Variants in NRG1 observed in about 807,000 individuals in gnomAD.
NRG1 encodes neuregulin 1, also known as pro-neuregulin-1, membrane-bound isoform.
Under a neutral mutation model 63.8 loss-of-function variants are expected in NRG1, and 18 were observed. The observed-to-expected ratio is 0.28, with a 90% CI of 0.19 to 0.42. The LOEUF (loss-of-function observed/expected upper bound fraction) is 0.42, where lower values mean the gene tolerates loss of function less well. Among genes scored for constraint, NRG1 ranks in the 10% least tolerant of loss-of-function variants. NRG1 has a pLI of 1.00. For missense variants in NRG1, 762 were observed against 814.7 expected, an observed-to-expected ratio of 0.94 and a Z score of 0.79; for synonymous variants, 302 against 301.3, an observed-to-expected ratio of 1.00 and a Z score of -0.02.
At chr8:31,780,567 C>A (rs767446572) in intron 1 of NRG1, among the ~76,000 whole-genome samples, 10 of 152,066 alleles carry the variant, frequency 6.6e-5, no homozygotes, top group South Asian at 2.1e-4. Flanking sequence ...AAAATCGAAT[C>A]CAATTTTTCT....
intron 1 of NRG1, among the ~76,000 whole-genome samples, chr8:32,115,562 G>A (rs1832606576): frequency 6.6e-6 from 1 of 152,140 alleles, no homozygotes; most frequent in Non-Finnish European, 1.5e-5. Flanking sequence ...GGAGGAGGAG[G>A]AAGGGAATGG....
Position 32,131,984 on chromosome 8 carries a change from G to A in NRG1, c.38-463844G>A, listed in dbSNP as rs548083723. Among the ~76,000 whole-genome samples, 24 of 152,130 alleles carry A rather than the reference G, an allele frequency of 1.6e-4. 1 individual carries two copies. The South Asian group carries it at 4.8e-3, about 30-fold the overall frequency. Reference sequence around the variant, plus strand: ...AGGGCACTAAAAGATATATTTAAAGGCAGAGGTTTTTTTCCTATGTGTATA... The same window carrying A: ...AGGGCACTAAAAGATATATTTAAAGACAGAGGTTTTTTTCCTATGTGTATA... On this transcript the variant is annotated intron_variant, in intron 1 of 10. Transcript: ENST00000519301.
At chr8:31,751,002 AT>A (rs1355559088) in intron 1 of NRG1, among the ~76,000 whole-genome samples, 2 of 151,996 alleles carry the variant, frequency 1.3e-5, no homozygotes, top group African/African-American at 4.8e-5. Flanking sequence ...GGGCTCCCAA[AT>A]GCTAGTCAAA....
At chr8:31,943,123 G>A (rs1305177750) in intron 1 of NRG1, among the ~76,000 whole-genome samples, 1 of 152,064 alleles carries the variant, frequency 6.6e-6, no homozygotes, top group Non-Finnish European at 1.5e-5. Context: ...CAGCCCAAAT[G>A]CCCATCAATC....
chr8:32,034,414 T>C (rs897792767), intron 1 of NRG1, among the ~76,000 whole-genome samples: 2 of 152,232 alleles, frequency 1.3e-5, no homozygotes, highest in Non-Finnish European at 2.9e-5. Flanking sequence ...AAGTTTTCTT[T>C]TTTTGCTGTT....
intron 1 of NRG1, among the ~76,000 whole-genome samples, chr8:32,121,544 A>G (rs1365415999): frequency 1.3e-5 from 2 of 151,978 alleles, no homozygotes; most frequent in Non-Finnish European, 2.9e-5. Context: ...TGTGTTGAAA[A>G]ATCATTCAAA....
At chr8:32,092,463 A>AAC (rs1191829036) in intron 1 of NRG1, among the ~76,000 whole-genome samples, 1 of 146,380 alleles carries the variant, frequency 6.8e-6, no homozygotes, top group Non-Finnish European at 1.5e-5. Context: ...CCCTGTCTCA[A>AAC]AAAAAAAAAA....
intron 6 of NRG1, chr8:32,728,664 T>TGTA: frequency 2.0e-6 from 2 of 984,700 alleles, no homozygotes; most frequent in Non-Finnish European, 2.4e-6. Context: ...ATACATTGTA[T>TGTA]GTAGCATCCC....
intron 1 of NRG1, among the ~76,000 whole-genome samples, chr8:32,206,138 A>G (rs1036231749): frequency 2.0e-5 from 3 of 152,174 alleles, no homozygotes; most frequent in African/African-American, 7.2e-5. Context: ...CAAAAACATT[A>G]GAACTGAAAC....
intron 1 of NRG1, among the ~76,000 whole-genome samples, chr8:32,286,788 C>A (rs28560199): frequency 6.6e-6 from 1 of 151,898 alleles, no homozygotes; most frequent in African/African-American, 2.4e-5. Flanking sequence ...CCTGAGGTCA[C>A]GAGTTCAAGA....
chr8:32,567,643 ACTT>A (rs1467536530), intron 1 of NRG1, among the ~76,000 whole-genome samples: 1 of 152,120 alleles, frequency 6.6e-6, no homozygotes, highest in Non-Finnish European at 1.5e-5. Flanking sequence ...GGTGCCCCTC[ACTT>A]CTTTTTTATA....
intron 1 of NRG1, among the ~76,000 whole-genome samples, chr8:32,091,254 G>T (rs1310216455): frequency 2.0e-5 from 3 of 150,686 alleles, no homozygotes; most frequent in Non-Finnish European, 2.9e-5. Flanking sequence ...CTCCAGCCTA[G>T]GCGACAGAGC....
chr8:32,633,061 T>A (rs1457773649), intron 5 of NRG1, among the ~76,000 whole-genome samples: 2 of 152,236 alleles, frequency 1.3e-5, no homozygotes, highest in Non-Finnish European at 2.9e-5. Flanking sequence ...ACTACTTTTT[T>A]ATGCTGATAT....
In NRG1 at chr8:31,640,521, G is replaced by A. The variant is rs1223804905; in HGVS notation, c.37+1090G>A. ...AAGCCGGGGGCTTGAAGAAGGACTC[G>A]CTGCTCACCGTGCGCCTGGGGACCT... On this transcript the variant is annotated intron_variant, in intron 1 of 10. Transcript: ENST00000519301. The surrounding 1 kb of genome is among the most constrained non-coding windows in gnomAD (Gnocchi z 6.3). 5 of 1,611,392 alleles carry A rather than the reference G, an allele frequency of 3.1e-6. No homozygotes were observed. The highest frequency in any genetic ancestry group is 3.4e-6 in the Non-Finnish European group (4 of 1,179,330).
chr8:32,573,646 T>C (rs1839058605), intron 1 of NRG1, among the ~76,000 whole-genome samples: 2 of 152,112 alleles, frequency 1.3e-5, no homozygotes, highest in South Asian at 4.1e-4. Context: ...TTTTTATTTT[T>C]ATTTTTTATT....
At chr8:32,713,431 T>A (rs536940702) in intron 5 of NRG1, among the ~76,000 whole-genome samples, 3 of 152,098 alleles carry the variant, frequency 2.0e-5, no homozygotes, top group Non-Finnish European at 4.4e-5. Context: ...CTTATTTACC[T>A]TACAAAACTG....
Position 32,742,174 on chromosome 8 carries a change from G to C in NRG1, c.633-501G>C. On this transcript the variant is annotated intron_variant, in intron 6 of 11. Transcript: ENST00000356819. This position sits in a 1 kb window ranked among gnomAD's most constrained non-coding sequence, Gnocchi z 4.2. The stretch of plus-strand genomic sequence containing the variant: ...AGCTCAGTCGTAACTGATTCATTTT[G>C]TTCTAATTATGGCTTAACCTCTCAA... The C allele has an allele frequency of 1.0e-6, 1 of 983,818 alleles. No homozygotes were observed. The highest frequency in any genetic ancestry group is 1.9e-5 in the Admixed American group (1 of 52,874). The allele number at this position is 983,818 out of a possible 1,614,324, so 60.9% of individuals were successfully genotyped here.
At chr8:31,820,103 T>C (rs1331051166) in intron 1 of NRG1, among the ~76,000 whole-genome samples, 1 of 152,218 alleles carries the variant, frequency 6.6e-6, no homozygotes, top group Non-Finnish European at 1.5e-5. Context: ...AGTCATATGC[T>C]ATTAGGGAAT....
Position 32,742,916 on chromosome 8 carries a change from T to G in NRG1, c.691+183T>G. 1 of 1,489,496 alleles carries G rather than the reference T, an allele frequency of 6.7e-7. No homozygotes were observed. The highest frequency in any genetic ancestry group is 8.9e-7 in the Non-Finnish European group (1 of 1,118,884). The allele number at this position is 1,489,496 out of a possible 1,614,324, so 92.3% of individuals were successfully genotyped here. Reference sequence around the variant, plus strand: ...AAAAGCAATTGTATTACTTCCTCTGTTCGCGACTAGTTGGCTCTGAGATAC... The same window carrying G: ...AAAAGCAATTGTATTACTTCCTCTGGTCGCGACTAGTTGGCTCTGAGATAC... On this transcript the variant is annotated intron_variant, in intron 7 of 11. Coordinates refer to ENST00000356819, the Ensembl canonical transcript of NRG1. The surrounding 1 kb of genome is among the most constrained non-coding windows in gnomAD (Gnocchi z 4.2).
Sources: allele counts gnomAD v4.1 joint callset (sites outside exome capture counted in the v4.1 genomes callset), GRCh38; gene constraint gnomAD v4.1.1; non-coding constraint Gnocchi (gnomAD v3.1); transcripts MANE v1.5; gene names NCBI Gene and HGNC (gene_info 2026-07-23, HGNC 2026-07-21).